Variants in MAP1B observed in about 807,000 individuals in gnomAD.
MAP1B encodes microtubule-associated protein 1B.
A neutral mutation model predicts 176.1 loss-of-function variants in MAP1B; 12 were observed. That is an observed-to-expected ratio of 0.07 (90% CI 0.04 to 0.11). The LOEUF (loss-of-function observed/expected upper bound fraction) is 0.11. Among genes scored for constraint, MAP1B ranks in the 10% least tolerant of loss-of-function variants. The probability of loss-of-function intolerance (pLI) is 1.00; values close to 1 mark genes in which losing one functional copy is unlikely to be tolerated. For missense variants in MAP1B, 2,523 were observed against 2,990.5 expected (o/e 0.84, Z 3.65); for synonymous variants, 1,044 against 1,135.0 (o/e 0.92, Z 1.61).
At chr5:72,108,820 C>T (rs1376781815) in intron 1 of MAP1B, among the ~76,000 whole-genome samples, 2 of 152,180 alleles carry the variant, frequency 1.3e-5, no homozygotes, top group Non-Finnish European at 2.9e-5. Context: ...CCTGGGTGGG[C>T]AGCTCTGGTC....
chr5:72,115,873 G>A, intron 2 of MAP1B, 74 bp downstream of exon 2: 1 of 1,092,864 alleles, frequency 9.2e-7, no homozygotes, highest in Non-Finnish European at 1.4e-6. Flanking sequence ...CTTTGTCTGA[G>A]GCAGCAAAAA....
chr5:72,176,071 G>A (rs995961980), intron 2 of MAP1B, among the ~76,000 whole-genome samples: 5 of 152,188 alleles, frequency 3.3e-5, no homozygotes, highest in South Asian at 2.1e-4. Context: ...CCACAGAAAA[G>A]AAATGTCATT....
intron 2 of MAP1B, among the ~76,000 whole-genome samples, chr5:72,163,912 C>CTTTTTTTT (rs1746371614): frequency 7.8e-6 from 1 of 127,604 alleles, no homozygotes; most frequent in African/African-American, 3.2e-5. Context: ...CTTTCTCTCT[C>CTTTTTTTT]TCTCTTTTTT....
At chr5:72,183,667 C>T in intron 2 of MAP1B, 76 bp from the exon 3 acceptor site, 2 of 1,040,298 alleles carry the variant, frequency 1.9e-6, no homozygotes, top group Non-Finnish European at 3.0e-6. Flanking sequence ...CCTCTGCTGT[C>T]CCAGGAGCAG....
chr5:72,152,181 G>A (rs1746153040), intron 2 of MAP1B, among the ~76,000 whole-genome samples: 1 of 152,130 alleles, frequency 6.6e-6, no homozygotes, highest in Non-Finnish European at 1.5e-5. Flanking sequence ...TTCTAGCAGG[G>A]TGTGTTCCTA....
rs964804639 is a variant in MAP1B at position 72,194,528 on chromosome 5, G to T, written c.1173G>T (p.Leu391Phe). 8 of 1,613,946 alleles carry T rather than the reference G, an allele frequency of 5.0e-6. No homozygotes were observed. Among genetic ancestry groups the T allele is most frequent in the African/African-American group, 1.3e-5 (1 of 74,888 alleles). ...TCACTCTCCAGTACCTAAACAAATT[G>T]TCCATGAAACCAGAACCTCTGTTTA... Reference protein sequence around the residue: ...ACFTLQYLNKLSMKPEPLFRS... With the variant: ...ACFTLQYLNKFSMKPEPLFRS... Residue 391 changes from leucine (L) to phenylalanine (F), a missense_variant, in exon 5 of 7, where the codon TTG becomes TTT. This residue lies in a region of MAP1B where 1,925 missense variants were observed against 2,126.0 expected (regional missense o/e 0.91). Transcript: ENST00000296755. The surrounding 1 kb of genome is among the most constrained non-coding windows in gnomAD (Gnocchi z 7.2).
intron 2 of MAP1B, among the ~76,000 whole-genome samples, chr5:72,166,706 C>T (rs1051417283): frequency 1.3e-5 from 2 of 152,134 alleles, no homozygotes; most frequent in South Asian, 2.1e-4. Flanking sequence ...GACTATTCGC[C>T]GAGGATGTGT....
At position 72,195,894 on chromosome 5, in the gene MAP1B, G is replaced by C; in HGVS notation, c.2539G>C (p.Glu847Gln). 1 of 1,614,216 alleles carries C rather than the reference G, an allele frequency of 6.2e-7. No individual in the cohort carries two copies. The highest frequency in any genetic ancestry group is 8.5e-7 in the Non-Finnish European group (1 of 1,180,032). The change falls in exon 5 of 7, where the codon GAG becomes CAG. Residue 847 changes from glutamate to glutamine, a missense_variant. Physicochemically the swap from Glu to Gln is conservative, Grantham distance 29. This residue lies in a region of MAP1B where 1,925 missense variants were observed against 2,126.0 expected (regional missense o/e 0.91). Transcript: ENST00000296755. ...TKDFEELKAEEVDVTKDIKPQ... is the reference protein window; with the variant it reads ...TKDFEELKAEQVDVTKDIKPQ... Reference sequence around the variant, plus strand: ...GGACTTTGAAGAGTTAAAGGCTGAAGAGGTCGATGTAACAAAGGACATCAA... The same window carrying C: ...GGACTTTGAAGAGTTAAAGGCTGAACAGGTCGATGTAACAAAGGACATCAA...
chr5:72,147,355 A>G (rs956723904), intron 2 of MAP1B, among the ~76,000 whole-genome samples: 1 of 151,786 alleles, frequency 6.6e-6, no homozygotes, highest in African/African-American at 2.4e-5. Context: ...AGAAAGGCCC[A>G]TCTTTGTTGC....
At chr5:72,188,500 C>T (rs912126249) in intron 4 of MAP1B, among the ~76,000 whole-genome samples, 6 of 151,886 alleles carry the variant, frequency 4.0e-5, no homozygotes, top group East Asian at 1.9e-4. Context: ...TCTTTTTTGC[C>T]GAAAAACCAG....
chr5:72,141,726 C>T (rs778080138), intron 2 of MAP1B, among the ~76,000 whole-genome samples: 4 of 151,734 alleles, frequency 2.6e-5, no homozygotes, highest in East Asian at 1.9e-4. Context: ...GGTTCTGAGA[C>T]GATTGTATGT....
intron 2 of MAP1B, among the ~76,000 whole-genome samples, chr5:72,139,993 G>A (rs1010819412): frequency 3.8e-4 from 57 of 151,036 alleles, no homozygotes; most frequent in Non-Finnish European, 1.0e-4. Context: ...ACAGGGTCTT[G>A]TTCTGTCACC....
At chr5:72,171,069 G>T (rs770126237) in intron 2 of MAP1B, among the ~76,000 whole-genome samples, 3 of 152,152 alleles carry the variant, frequency 2.0e-5, no homozygotes, top group Non-Finnish European at 2.9e-5. Context: ...TTGCTGCTGC[G>T]TGTCAGGACA....
chr5:72,123,547 C>G (rs540993347), intron 2 of MAP1B, among the ~76,000 whole-genome samples: 1 of 151,448 alleles, frequency 6.6e-6, no homozygotes, highest in East Asian at 1.9e-4. Context: ...TGCAGTGGTG[C>G]GATCTCGGCT....
intron 2 of MAP1B, among the ~76,000 whole-genome samples, chr5:72,127,301 C>A (rs1406242764): frequency 1.3e-5 from 2 of 152,148 alleles, no homozygotes; most frequent in Non-Finnish European, 2.9e-5. Context: ...AAGCAATTTT[C>A]GAATCAGATT....
At position 72,207,408 on chromosome 5, in the gene MAP1B, G is replaced by A. The variant is rs1253961125; in HGVS notation, c.*2169G>A. On this transcript the variant is annotated 3_prime_UTR_variant, in exon 7 of 7. Coordinates refer to ENST00000296755, the MANE Select transcript of MAP1B (RefSeq NM_005909.5). The stretch of plus-strand genomic sequence containing the variant: ...AACTATGATGAGGGTTTAAAAAAAT[G>A]CTTCTTCAGGGTCCTTTCACTGAGG... 6.6e-6 allele frequency: 1 copy of A among 152,158 alleles called. No individual in the cohort carries two copies. Among genetic ancestry groups the A allele is most frequent in the East Asian group, 1.9e-4 (1 of 5,198 alleles). 9.4% of individuals were successfully genotyped at this position (152,158 alleles called of 1,614,324 possible).
intron 2 of MAP1B, among the ~76,000 whole-genome samples, chr5:72,126,279 C>T (rs771041102): frequency 1.3e-5 from 2 of 152,184 alleles, no homozygotes; most frequent in Non-Finnish European, 1.5e-5. Context: ...TCAGTCCTTT[C>T]CTTTTCTGTA....
rs869167918 is a variant in MAP1B, at chr5:72,163,930, C to CTTTTTTTTTTTTTTTT, written c.287-19807_287-19792dup. ...TCTCTCTCTCTCTTTTTTTTTTTTTCTTTTTTTTTTTTTTTTTTTTTGAGA... is the reference window on the plus strand; with the variant it reads ...TCTCTCTCTCTCTTTTTTTTTTTTTCTTTTTTTTTTTTTTTTTTTTTTTTTTTTTTTTTTTTTGAGA... On this transcript the variant is annotated intron_variant, in intron 2 of 6. Coordinates refer to ENST00000296755, the MANE Select transcript of MAP1B (RefSeq NM_005909.5). Among the ~76,000 whole-genome samples the CTTTTTTTTTTTTTTTT allele has an allele frequency of 8.5e-4, 37 of 43,708 alleles. 1 individual carries two copies. Among genetic ancestry groups the CTTTTTTTTTTTTTTTT allele is most frequent in the African/African-American group, 1.4e-3 (25 of 17,258 alleles). The allele number at this position is 43,708 out of a possible 152,430, so 28.7% of individuals were successfully genotyped here.
chr5:72,113,482 A>G (rs10078042), intron 1 of MAP1B, among the ~76,000 whole-genome samples: 6 of 152,168 alleles, frequency 3.9e-5, no homozygotes, highest in Non-Finnish European at 7.4e-5. Context: ...TAAAATATGT[A>G]TGAAAATATA....
Sources: gnomAD v4.1 joint callset for allele counts (sites outside exome capture counted in the v4.1 genomes callset) on GRCh38, gnomAD v4.1.1 for gene constraint, gnomAD v4.1.1 regional missense constraint, Gnocchi (gnomAD v3.1) non-coding constraint, MANE v1.5 for transcripts, NCBI Gene and HGNC (gene_info 2026-07-23, HGNC 2026-07-21) for gene names.